Variants in TNFRSF9 observed in about 807,000 individuals in gnomAD.
TNFRSF9 encodes tumor necrosis factor receptor superfamily member 9.
TNFRSF9 carries 16 observed loss-of-function variants against 28.8 expected under a neutral mutation model. The ratio of observed to expected loss-of-function variants is 0.55; its 90% confidence interval spans 0.38 to 0.84. The LOEUF (loss-of-function observed/expected upper bound fraction) is 0.84. Among genes scored for constraint, TNFRSF9 ranks in the 40% least tolerant of loss-of-function variants. TNFRSF9 has a pLI of 0.00. For missense variants in TNFRSF9, 303 were observed against 315.0 expected, an observed-to-expected ratio of 0.96 and a Z score of 0.29; for synonymous variants, 131 against 117.0, an observed-to-expected ratio of 1.12 and a Z score of -0.77.
intron 7 of TNFRSF9, among the ~76,000 whole-genome samples, chr1:7,922,740 A>G (rs1463904570): frequency 6.6e-6 from 1 of 151,810 alleles, no homozygotes; most frequent in Admixed American, 6.6e-5. Flanking sequence ...TAAACCCAGG[A>G]GGCAGAGGTT....
At chr1:7,926,696 G>A (rs1039566699) in intron 7 of TNFRSF9, among the ~76,000 whole-genome samples, 5 of 152,328 alleles carry the variant, frequency 3.3e-5, no homozygotes, top group South Asian at 2.1e-4. Flanking sequence ...TATAACTACA[G>A]TAATCAAGGC....
At chr1:7,928,283 T>G (rs1639682978) in intron 7 of TNFRSF9, among the ~76,000 whole-genome samples, 1 of 152,212 alleles carries the variant, frequency 6.6e-6, no homozygotes, top group African/African-American at 2.4e-5. Flanking sequence ...GCAATTGCAC[T>G]CCTGAGCATT....
rs183675334 is a variant in TNFRSF9 at position 7,925,153 on chromosome 1, C to T, written c.680-4230G>A. ...ACATGGTGAAACCCCATCTCTAATA[C>T]AAAAATTAGCCAGGCGTGGTGGCAG... On this transcript the variant is annotated intron_variant, in intron 7 of 7. Coordinates refer to ENST00000377507, the MANE Select transcript of TNFRSF9 (RefSeq NM_001561.6). 2.0e-4 allele frequency among the ~76,000 whole-genome samples: 30 copies of T among 151,904 alleles called. 1 individual carries two copies. In the East Asian group the frequency reaches 3.1e-3, roughly 16 times the overall value.
At chr1:7,934,944 G>C in intron 6 of TNFRSF9, 69 bp downstream of exon 6, 2 of 1,585,194 alleles carry the variant, frequency 1.3e-6, no homozygotes, top group Admixed American at 1.7e-5. Context: ...CATGATATTG[G>C]GGCAATTTAG....
intron 7 of TNFRSF9, among the ~76,000 whole-genome samples, chr1:7,929,157 CCTTTT>C (rs1474409418): frequency 0.074 from 4,834 of 65,150 alleles, 486 homozygotes; most frequent in African/African-American, 0.18. Context: ...TTTTCTTTTT[CCTTTT>C]TTTTTTTTTT....
In TNFRSF9 at chr1:7,935,857, A is replaced by G. The variant is rs986098868; in HGVS notation, c.414-714T>C. Among the ~76,000 whole-genome samples, 6 of 152,172 alleles carry G rather than the reference A, an allele frequency of 3.9e-5. No homozygotes were observed. In the East Asian group the frequency reaches 1.2e-3, roughly 29 times the overall value. On this transcript the variant is annotated intron_variant, in intron 5 of 7. Transcript: ENST00000377507. ...CCTCAGTTTTCTCATCTGCAAAATT[A>G]GGATTGTATGTGCTGCCAGAACTGT...
intron 7 of TNFRSF9, among the ~76,000 whole-genome samples, chr1:7,929,581 A>C (rs916790129): frequency 2.7e-5 from 4 of 150,866 alleles, no homozygotes; most frequent in African/African-American, 1.0e-4. Flanking sequence ...GGCTCTCTCT[A>C]TCTATGATTT....
At chr1:7,924,313 A>G (rs1218836389) in intron 7 of TNFRSF9, among the ~76,000 whole-genome samples, 1 of 108,622 alleles carries the variant, frequency 9.2e-6, no homozygotes, top group African/African-American at 5.7e-5. Flanking sequence ...ATATATATAT[A>G]TATATATATA....
intron 6 of TNFRSF9, among the ~76,000 whole-genome samples, chr1:7,934,329 A>AC (rs1427742694): frequency 6.6e-6 from 1 of 150,954 alleles, no homozygotes; most frequent in African/African-American, 2.4e-5. Context: ...GTGAGCCAAT[A>AC]TCAAGCCACT....
intron 7 of TNFRSF9, among the ~76,000 whole-genome samples, chr1:7,932,688 C>G (rs967516310): frequency 6.7e-6 from 1 of 149,940 alleles, no homozygotes; most frequent in Admixed American, 6.6e-5. Context: ...CACGCACGCA[C>G]GCGCACACAC....
rs1434921432 is a variant in TNFRSF9, at chr1:7,920,654, A to AC, written c.*180_*181insG. The AC allele has an allele frequency of 1.8e-6, 1 of 564,218 alleles. No individual in the cohort carries two copies. The highest frequency in any genetic ancestry group is 3.2e-6 in the Non-Finnish European group (1 of 316,036). 35.0% of individuals were successfully genotyped at this position (564,218 alleles called of 1,614,324 possible). ...TGACAGAGTGAGACCCTGTCAAAAAAAAAAAAAAAGTGGTGCATTTTTAAA... is the reference window on the plus strand; with the variant it reads ...TGACAGAGTGAGACCCTGTCAAAAAACAAAAAAAAAGTGGTGCATTTTTAAA... On this transcript the variant is annotated 3_prime_UTR_variant, in exon 8 of 8. Transcript: ENST00000377507.
At chr1:7,930,221 G>A (rs1443259131) in intron 7 of TNFRSF9, among the ~76,000 whole-genome samples, 2 of 152,082 alleles carry the variant, frequency 1.3e-5, no homozygotes, top group African/African-American at 4.8e-5. Context: ...GCCCGCCTCA[G>A]CCCCCCAGAA....
intron 6 of TNFRSF9, among the ~76,000 whole-genome samples, chr1:7,933,678 G>C (rs982662134): frequency 3.3e-5 from 5 of 151,932 alleles, no homozygotes; most frequent in African/African-American, 9.7e-5. Flanking sequence ...CTGGGCAACA[G>C]AGTGAGACTC....
chr1:7,922,521 C>G (rs1199224095), intron 7 of TNFRSF9, among the ~76,000 whole-genome samples: 1 of 152,038 alleles, frequency 6.6e-6, no homozygotes, highest in African/African-American at 2.4e-5. Context: ...AAAGCAAAAA[C>G]CAAGAAGAGG....
At chr1:7,930,116 T>G (rs941967826) in intron 7 of TNFRSF9, among the ~76,000 whole-genome samples, 3 of 151,910 alleles carry the variant, frequency 2.0e-5, no homozygotes, top group African/African-American at 7.3e-5. Flanking sequence ...ATTACAGGCA[T>G]GCACCACCAC....
intron 2 of TNFRSF9, 97 bp from the exon 3 acceptor site, chr1:7,938,925 G>T: frequency 1.2e-6 from 1 of 837,704 alleles, no homozygotes; most frequent in Non-Finnish European, 1.9e-6. Context: ...ATAAAAGAAT[G>T]ATGAGTTTTC....
At chr1:7,933,889 C>T (rs1224842348) in intron 6 of TNFRSF9, among the ~76,000 whole-genome samples, 7 of 151,072 alleles carry the variant, frequency 4.6e-5, no homozygotes, top group South Asian at 4.2e-4. Flanking sequence ...CCGTGGTGGG[C>T]GCCTGTAATC....
rs1639848682 is a variant in TNFRSF9 at position 7,938,094 on chromosome 1, G to C, written c.346+99C>G. On this transcript the variant is annotated intron_variant, in intron 4 of 7. Coordinates refer to ENST00000377507, the MANE Select transcript of TNFRSF9 (RefSeq NM_001561.6). Reference sequence around the variant, plus strand: ...ATCATATACTCCCTTGTTACTTTAAGGTTCTACAAATCTGTTTGTTTATTT... The same window carrying C: ...ATCATATACTCCCTTGTTACTTTAACGTTCTACAAATCTGTTTGTTTATTT... 36 of 1,139,338 alleles carry C rather than the reference G, an allele frequency of 3.2e-5. No individual in the cohort carries two copies. In the South Asian group the frequency reaches 8.6e-4, roughly 27 times the overall value. The allele number at this position is 1,139,338 out of a possible 1,614,324, so 70.6% of individuals were successfully genotyped here.
intron 7 of TNFRSF9, among the ~76,000 whole-genome samples, chr1:7,928,128 G>C (rs188745956): frequency 6.6e-6 from 1 of 152,264 alleles, no homozygotes; most frequent in Admixed American, 6.5e-5. Flanking sequence ...ATACCTATTA[G>C]AACAGCTGAA....
Sources: gnomAD v4.1 joint callset for allele counts (sites outside exome capture counted in the v4.1 genomes callset) on GRCh38, gnomAD v4.1.1 for gene constraint, MANE v1.5 for transcripts, NCBI Gene and HGNC (gene_info 2026-07-23, HGNC 2026-07-21) for gene names.